FAM107B: variants seen among roughly 807,000 people sequenced by gnomAD.
The protein encoded by FAM107B is protein FAM107B.
In FAM107B, 21 loss-of-function variants were observed where a neutral mutation model predicts 31.5. That is an observed-to-expected ratio of 0.67 (90% confidence interval 0.47 to 0.96). The LOEUF is 0.96. Ranked by LOEUF, FAM107B falls within the 40% of genes least tolerant of loss-of-function variation. The probability of loss-of-function intolerance (pLI) is 0.00; values close to 1 mark genes in which losing one functional copy is unlikely to be tolerated. For synonymous variants in FAM107B, 157 were observed against 141.5 expected (o/e 1.11, Z -0.78); for missense variants, 452 against 377.1 (o/e 1.20, Z -1.64).
At chr10:14,535,653 T>C (rs1847530963) in intron 2 of FAM107B, among the ~76,000 whole-genome samples, 1 of 152,216 alleles carries the variant, frequency 6.6e-6, no homozygotes, top group Non-Finnish European at 1.5e-5. Context: ...CTCCAGTCGT[T>C]CAGAGTGGGG....
chr10:14,700,827 C>CAAAAAAAAAAA (rs1159035034), intron 1 of FAM107B, among the ~76,000 whole-genome samples: 1 of 76,014 alleles, frequency 1.3e-5, no homozygotes, highest in Non-Finnish European at 2.3e-5. Flanking sequence ...TGGCAAGAGG[C>CAAAAAAAAAAA]AAAAAAAAAA....
At chr10:14,616,662 C>T (rs1852859213) in intron 2 of FAM107B, among the ~76,000 whole-genome samples, 1 of 152,198 alleles carries the variant, frequency 6.6e-6, no homozygotes, top group Non-Finnish European at 1.5e-5. Context: ...GTGGCTTATG[C>T]CTGTAATCCC....
At chr10:14,770,156 T>A (rs563526764) in intron 1 of FAM107B, among the ~76,000 whole-genome samples, 1 of 152,044 alleles carries the variant, frequency 6.6e-6, no homozygotes, top group South Asian at 2.1e-4. Flanking sequence ...ACAGATTGAG[T>A]CACAATCATC....
chr10:14,628,075 T>G lies in FAM107B; in HGVS notation c.469+39559A>C, dbSNP rs141001950. The stretch of plus-strand genomic sequence containing the variant: ...TATGCTGGAAGTCCATAGCTCTTTC[T>G]TTCTGTTTGTTTCCTTGTTTGTTTT... On this transcript the variant is annotated intron_variant, in intron 2 of 4. Transcript: ENST00000181796. Among the ~76,000 whole-genome samples the G allele has an allele frequency of 1.6e-4, 25 of 151,768 alleles. No individual in the cohort carries two copies. In the East Asian group the frequency reaches 4.6e-3, roughly 28 times the overall value.
intron 2 of FAM107B, among the ~76,000 whole-genome samples, chr10:14,589,766 T>C (rs774498131): frequency 9.9e-5 from 15 of 152,082 alleles, no homozygotes; most frequent in Middle Eastern, 3.2e-3. Flanking sequence ...TGTATACCTA[T>C]GTAAGAATCC....
At chr10:14,763,136 C>T (rs1387537542) in intron 1 of FAM107B, among the ~76,000 whole-genome samples, 2 of 151,994 alleles carry the variant, frequency 1.3e-5, no homozygotes, top group Admixed American at 6.6e-5. Context: ...GTGGCAGGCA[C>T]CTGTAATCCC....
At chr10:14,639,417 G>T (rs1853578677) in intron 2 of FAM107B, among the ~76,000 whole-genome samples, 1 of 152,122 alleles carries the variant, frequency 6.6e-6, no homozygotes, top group Admixed American at 6.5e-5. Context: ...CATTTTAAAA[G>T]ATTGTGACTC....
intron 1 of FAM107B, among the ~76,000 whole-genome samples, chr10:14,732,023 C>T (rs552822265): frequency 6.6e-6 from 1 of 152,304 alleles, no homozygotes; most frequent in Admixed American, 6.5e-5. Context: ...CGAACATCTG[C>T]TTCCCCTGGA....
intron 2 of FAM107B, among the ~76,000 whole-genome samples, chr10:14,546,383 C>T (rs145085770): frequency 1.1e-4 from 16 of 152,296 alleles, no homozygotes; most frequent in South Asian, 2.1e-4. Context: ...GTTTTGGCAC[C>T]GTGAGTAACA....
At chr10:14,687,138 A>C (rs1166113898) in intron 1 of FAM107B, among the ~76,000 whole-genome samples, 1 of 152,192 alleles carries the variant, frequency 6.6e-6, no homozygotes. Flanking sequence ...TGTGCTTCCT[A>C]CTAATCCTTG....
At chr10:14,600,711 C>T (rs1852366046) in intron 2 of FAM107B, among the ~76,000 whole-genome samples, 1 of 152,206 alleles carries the variant, frequency 6.6e-6, no homozygotes, top group South Asian at 2.1e-4. Context: ...GTGATCACAG[C>T]TCACTGCAGC....
intron 2 of FAM107B, among the ~76,000 whole-genome samples, chr10:14,567,879 C>T (rs1850814150): frequency 6.6e-6 from 1 of 152,152 alleles, no homozygotes; most frequent in Non-Finnish European, 1.5e-5. Flanking sequence ...AGTTTGAGCA[C>T]TGAAAGTCCT....
intron 2 of FAM107B, among the ~76,000 whole-genome samples, chr10:14,616,813 T>C (rs1852863869): frequency 6.6e-6 from 1 of 152,028 alleles, no homozygotes; most frequent in African/African-American, 2.4e-5. Flanking sequence ...TGGACCCAGC[T>C]ACTTCAGAGG....
chr10:14,610,354 A>T (rs975875313), intron 2 of FAM107B, among the ~76,000 whole-genome samples: 1 of 152,176 alleles, frequency 6.6e-6, no homozygotes, highest in East Asian at 1.9e-4. Context: ...AAAAAAAAAT[A>T]AAAAAGAATA....
chr10:14,680,526 A>C (rs903620131), intron 1 of FAM107B, among the ~76,000 whole-genome samples: 8 of 150,528 alleles, frequency 5.3e-5, no homozygotes, highest in Non-Finnish European at 8.8e-5. Flanking sequence ...GTGAACTGAA[A>C]TCATGCCACT....
In FAM107B at chr10:14,520,705, G is replaced by A. The variant is rs1267409213; in HGVS notation, c.*485C>T. The A allele has an allele frequency of 6.6e-6, 1 of 152,492 alleles. No individual in the cohort carries two copies. The highest frequency in any genetic ancestry group is 1.5e-5 in the Non-Finnish European group (1 of 68,260). The allele number at this position is 152,492 out of a possible 1,614,324, so 9.4% of individuals were successfully genotyped here. A position where few individuals can be genotyped will look rare whatever the true frequency, so the allele number is the denominator to read the frequency against. On this transcript the variant is annotated 3_prime_UTR_variant, in exon 5 of 5. Coordinates refer to ENST00000181796, the MANE Select transcript of FAM107B (RefSeq NM_031453.4). ...TATAAATTAAACAAGACAATTCTGG[G>A]TCCTCAAAATTTACAGTGAGTGAAC... is the stretch of plus-strand genomic sequence containing the variant.
At chr10:14,684,617 A>G (rs1854927795) in intron 1 of FAM107B, among the ~76,000 whole-genome samples, 2 of 152,150 alleles carry the variant, frequency 1.3e-5, no homozygotes, top group Non-Finnish European at 2.9e-5. Flanking sequence ...AGACAACAGC[A>G]TTGTGCCAAA....
chr10:14,733,943 C>G (rs564340006), intron 1 of FAM107B, among the ~76,000 whole-genome samples: 2 of 152,260 alleles, frequency 1.3e-5, no homozygotes, highest in Admixed American at 6.5e-5. Flanking sequence ...TTCTGGGCAC[C>G]TGGTATTTAG....
intron 2 of FAM107B, among the ~76,000 whole-genome samples, chr10:14,550,109 A>G (rs1849117903): frequency 6.6e-6 from 1 of 152,218 alleles, no homozygotes; most frequent in African/African-American, 2.4e-5. Flanking sequence ...TTTAGTGATG[A>G]GGAACAGAGA....
Sources: allele counts gnomAD v4.1 joint callset (sites outside exome capture counted in the v4.1 genomes callset), GRCh38; gene constraint gnomAD v4.1.1; transcripts MANE v1.5; gene names NCBI Gene and HGNC (gene_info 2026-07-23, HGNC 2026-07-21).